Variants in SF3B3 observed in about 807,000 individuals in gnomAD.
The protein encoded by SF3B3 is splicing factor 3b subunit 3.
Under a neutral mutation model 139.2 loss-of-function variants are expected in SF3B3, and 33 were observed. That is an observed-to-expected ratio of 0.24 (90% CI 0.18 to 0.32). The LOEUF is 0.32. Among genes scored for constraint, SF3B3 ranks in the 10% least tolerant of loss-of-function variants. The pLI is 1.00. For synonymous variants in SF3B3, 596 were observed against 563.6 expected (o/e 1.06, Z -0.81); for missense variants, 818 against 1,509.4 (o/e 0.54, Z 7.59).
intron 15 of SF3B3, among the ~76,000 whole-genome samples, chr16:70,557,598 T>C (rs1222432206): frequency 6.6e-6 from 1 of 152,252 alleles, no homozygotes. Flanking sequence ...AGCCAGAAGT[T>C]AGAGAGACTA....
chr16:70,529,714 A>C, intron 3 of SF3B3: 1 of 153,172 alleles, frequency 6.5e-6, no homozygotes. Context: ...AGTTAGTGGG[A>C]TATTTAAGAC....
At chr16:70,564,811 C>T (rs1489884395) in intron 18 of SF3B3, among the ~76,000 whole-genome samples, 1 of 152,188 alleles carries the variant, frequency 6.6e-6, no homozygotes, top group Non-Finnish European at 1.5e-5. Context: ...ATATTTGTCA[C>T]AGCTATTGTT....
intron 22 of SF3B3, among the ~76,000 whole-genome samples, 166 bp downstream of exon 22, chr16:70,568,661 C>T (rs1178725110): frequency 1.3e-5 from 2 of 152,300 alleles, no homozygotes; most frequent in Middle Eastern, 3.4e-3. Flanking sequence ...AGCCTTCTTA[C>T]TAGTCTTTTG....
intron 20 of SF3B3, chr16:70,565,729 C>T: frequency 1.8e-6 from 1 of 553,408 alleles, no homozygotes; most frequent in Admixed American, 3.1e-5. Context: ...GCTAACCATC[C>T]ATAATGGGGA....
intron 2 of SF3B3, among the ~76,000 whole-genome samples, chr16:70,527,561 A>T (rs957473924): frequency 1.3e-5 from 2 of 152,214 alleles, no homozygotes; most frequent in Non-Finnish European, 1.5e-5. Context: ...TCTGATCCTC[A>T]TTATGGCTCT....
chr16:70,546,246 C>G (rs561144798), intron 10 of SF3B3, among the ~76,000 whole-genome samples: 1 of 152,236 alleles, frequency 6.6e-6, no homozygotes, highest in African/African-American at 2.4e-5. Flanking sequence ...GTTGTGATTA[C>G]AAGCGTGAGC....
rs2050532652 is a variant in SF3B3, at chr16:70,571,877, G to A, written c.*64G>A. On this transcript the variant is annotated 3_prime_UTR_variant, in exon 26 of 26. Transcript: ENST00000302516. ...TTTTGTTTCCCCCACCACCATCACT[G>A]CCACCTGGCTTCTGCCATGTGGCAG... 1 of 1,545,624 alleles carries A rather than the reference G, an allele frequency of 6.5e-7. No homozygotes were observed. The highest frequency in any genetic ancestry group is 1.4e-5 in the African/African-American group (1 of 72,224).
intron 5 of SF3B3, among the ~76,000 whole-genome samples, chr16:70,533,953 T>C (rs2050144474): frequency 6.6e-6 from 1 of 152,262 alleles, no homozygotes; most frequent in African/African-American, 2.4e-5. Context: ...GTCAGTCTGC[T>C]GGATCTTGGG....
At chr16:70,527,685 A>G (rs2050077400) in intron 2 of SF3B3, among the ~76,000 whole-genome samples, 1 of 152,226 alleles carries the variant, frequency 6.6e-6, no homozygotes, top group Non-Finnish European at 1.5e-5. Flanking sequence ...TATGTAATGC[A>G]ATGAATCTCA....
intron 11 of SF3B3, among the ~76,000 whole-genome samples, chr16:70,553,103 G>C (rs2050343047): frequency 6.6e-6 from 1 of 152,084 alleles, no homozygotes; most frequent in Non-Finnish European, 1.5e-5. Context: ...TTATTTTTTA[G>C]TAGAGATGGG....
At chr16:70,524,660 G>A (rs546257414) in intron 1 of SF3B3, 35 of 152,024 alleles carry the variant, frequency 2.3e-4, no homozygotes, top group African/African-American at 6.7e-4. Context: ...CTGGGATTAC[G>A]GGCGCGTGCC....
chr16:70,533,624 C>T (rs1303522415), intron 5 of SF3B3, among the ~76,000 whole-genome samples: 3 of 152,148 alleles, frequency 2.0e-5, no homozygotes, highest in Admixed American at 2.0e-4. Flanking sequence ...ATACACGTTA[C>T]TAATTGATTA....
Position 70,568,388 on chromosome 16 carries a change from C to T in SF3B3, c.3058C>T (p.Gln1020Ter). ...IWVRYKRNEN[Q>*]LIIFADDTYP... is the part of the protein sequence containing the mutation. ...GGTTCGCTACAAGCGTAATGAAAAC[C>T]AGCTTATCATCTTTGCTGATGATAC... is the stretch of plus-strand genomic sequence containing the variant. Residue 1020 changes from glutamine to a stop codon, truncating the protein, a stop_gained, in exon 22 of 26, where the codon CAG (glutamine) becomes TAG (stop). Transcript: ENST00000302516. LOFTEE classifies it high-confidence loss of function. The T allele has an allele frequency of 6.2e-7, 1 of 1,613,972 alleles. No homozygotes were observed. The highest frequency in any genetic ancestry group is 8.5e-7 in the Non-Finnish European group (1 of 1,179,820).
intron 15 of SF3B3, 71 bp downstream of exon 15, chr16:70,557,100 A>G (rs1567420779): frequency 6.8e-7 from 1 of 1,464,750 alleles, no homozygotes; most frequent in Non-Finnish European, 9.1e-7. Context: ...TTTGTTTGAT[A>G]ACAGGGATTT....
At chr16:70,546,622 G>C (rs1035944592) in intron 10 of SF3B3, among the ~76,000 whole-genome samples, 77 of 152,122 alleles carry the variant, frequency 5.1e-4, no homozygotes, top group African/African-American at 1.8e-3. Flanking sequence ...CTGTACTCCA[G>C]CTTGGGCAAA....
At chr16:70,568,131 C>CT (rs2050494633) in intron 21 of SF3B3, 152 bp from the exon 22 acceptor site, 2 of 659,868 alleles carry the variant, frequency 3.0e-6, no homozygotes, top group South Asian at 3.6e-5. Context: ...CTATTTGGCT[C>CT]TTTTTTCCCA....
rs148310357 is a variant in SF3B3 at position 70,544,225 on chromosome 16, T to A, written c.1234-213T>A. 7.8e-4 allele frequency among the ~76,000 whole-genome samples: 119 copies of A among 152,314 alleles called. 1 individual carries two copies. The East Asian group carries it at 0.017, about 22-fold the overall frequency. ...ACTCACATGTGCGTCTGTGTTACAG[T>A]AGACTCCATTGCTCTGCAGAGAGAG... is the stretch of plus-strand genomic sequence containing the variant. On this transcript the variant is annotated intron_variant, in intron 9 of 25. Coordinates refer to ENST00000302516, the MANE Select transcript of SF3B3 (RefSeq NM_012426.5).
intron 20 of SF3B3, 56 bp from the exon 21 acceptor site, chr16:70,567,355 A>C: frequency 6.4e-7 from 1 of 1,564,332 alleles, no homozygotes; most frequent in Non-Finnish European, 8.7e-7. Flanking sequence ...CAGAGAGGTG[A>C]GGCCTGTGTC....
chr16:70,528,818 A>C, intron 2 of SF3B3, 55 bp from the exon 3 acceptor site: 1 of 1,349,210 alleles, frequency 7.4e-7, no homozygotes, highest in East Asian at 2.3e-5. Flanking sequence ...GGGTTTCACC[A>C]TGGTGGCCAG....
Sources: gnomAD v4.1 joint callset for allele counts (sites outside exome capture counted in the v4.1 genomes callset) on GRCh38, gnomAD v4.1.1 for gene constraint, MANE v1.5 for transcripts, NCBI Gene and HGNC (gene_info 2026-07-23, HGNC 2026-07-21) for gene names.